The following IGSF21 variants were observed in gnomAD, a reference collection of about 807,000 sequenced individuals.
IGSF21 encodes the protein immunoglobulin superfamily member 21.
A neutral mutation model predicts 46.8 loss-of-function variants in IGSF21; 28 were observed. The ratio of observed to expected loss-of-function variants is 0.60; its 90% confidence interval spans 0.44 to 0.82. The LOEUF (loss-of-function observed/expected upper bound fraction) is 0.82. Among genes scored for constraint, IGSF21 ranks in the 40% least tolerant of loss-of-function variants. The pLI, the probability that IGSF21 is intolerant of heterozygous loss-of-function variation, is 0.00. For missense variants in IGSF21, 624 were observed against 665.5 expected (o/e 0.94, Z 0.69); for synonymous variants, 284 against 273.6 (o/e 1.04, Z -0.38).
At chr1:18,247,217 A>T (rs966031129) in intron 2 of IGSF21, among the ~76,000 whole-genome samples, 1 of 151,906 alleles carries the variant, frequency 6.6e-6, no homozygotes, top group Non-Finnish European at 1.5e-5. Flanking sequence ...TGAACCTTCC[A>T]CTTCACAGGG....
rs948742649 is a variant in IGSF21 at position 18,322,407 on chromosome 1, C to A, written c.306-12485C>A. Among the ~76,000 whole-genome samples, 2 of 152,032 alleles carry A rather than the reference C, an allele frequency of 1.3e-5. No homozygotes were observed. Among genetic ancestry groups the A allele is most frequent in the African/African-American group, 4.8e-5 (2 of 41,398 alleles). On this transcript the variant is annotated intron_variant, in intron 3 of 9. Transcript: ENST00000251296. This position sits in a 1 kb window ranked among gnomAD's most constrained non-coding sequence, Gnocchi z 4.3. ...AGGCTTGGTTCCAACAGGCTTGGGG[C>A]CTTCCTGATGCCAGCTCTCACCCAC...
At chr1:18,228,081 C>T (rs1569577104) in intron 2 of IGSF21, 71 bp downstream of exon 2, 3 of 1,190,332 alleles carry the variant, frequency 2.5e-6, no homozygotes, top group African/African-American at 3.0e-5. Flanking sequence ...GCCCTCTGGA[C>T]ACCCTCACTG....
intron 6 of IGSF21, among the ~76,000 whole-genome samples, chr1:18,369,168 A>T (rs1026854073): frequency 6.6e-6 from 1 of 152,198 alleles, no homozygotes; most frequent in Non-Finnish European, 1.5e-5. Context: ...TGGGTGGGTG[A>T]GTAAAGAGAC....
At position 18,259,577 on chromosome 1, in the gene IGSF21, G is replaced by C. The variant is rs185386865; in HGVS notation, c.183+31567G>C. ...CCTCCCCAGAACCTCTTGCATTCTA[G>C]TCTTCACTCTTTTCTCTTCATGGGG... On this transcript the variant is annotated intron_variant, in intron 2 of 9. Transcript: ENST00000251296. Among the ~76,000 whole-genome samples, 3 of 152,298 alleles carry C rather than the reference G, an allele frequency of 2.0e-5. No homozygotes were observed. The East Asian group carries it at 5.8e-4, about 29-fold the overall frequency.
intron 1 of IGSF21, among the ~76,000 whole-genome samples, chr1:18,141,439 G>A (rs1376144045): frequency 2.0e-5 from 3 of 152,168 alleles, no homozygotes; most frequent in African/African-American, 7.2e-5. Context: ...GAGCAGGGTT[G>A]GCTGTCATCA....
intron 1 of IGSF21, among the ~76,000 whole-genome samples, chr1:18,156,040 CT>C (rs1273685036): frequency 6.6e-6 from 1 of 152,222 alleles, no homozygotes; most frequent in East Asian, 1.9e-4. Context: ...AGTTACCCAG[CT>C]GGTAGCTAAT....
chr1:18,248,119 C>T (rs545706783), intron 2 of IGSF21, among the ~76,000 whole-genome samples: 7 of 152,278 alleles, frequency 4.6e-5, no homozygotes, highest in East Asian at 3.9e-4. Context: ...GAAATGTGCA[C>T]GTAACACCAC....
At chr1:18,198,186 G>C (rs1426285610) in intron 1 of IGSF21, among the ~76,000 whole-genome samples, 4 of 152,188 alleles carry the variant, frequency 2.6e-5, no homozygotes, top group Non-Finnish European at 5.9e-5. Flanking sequence ...AGTGAACACG[G>C]GGTTGACTGG....
chr1:18,350,808 A>G (rs1341823116), intron 4 of IGSF21, among the ~76,000 whole-genome samples: 3 of 152,210 alleles, frequency 2.0e-5, no homozygotes, highest in African/African-American at 7.2e-5. Context: ...AAACGCTGAT[A>G]GGACAGGAAA....
chr1:18,108,503 T>A (rs2086112609), intron 1 of IGSF21, among the ~76,000 whole-genome samples: 1 of 151,674 alleles, frequency 6.6e-6, no homozygotes, highest in Non-Finnish European at 1.5e-5. Flanking sequence ...GATGCAAGTG[T>A]GTGTGTGCGT....
intron 1 of IGSF21, among the ~76,000 whole-genome samples, chr1:18,177,580 CTTAT>C (rs1210815323): frequency 1.3e-5 from 2 of 151,942 alleles, no homozygotes; most frequent in South Asian, 2.1e-4. Flanking sequence ...CTCTTCATCT[CTTAT>C]TTCTTATTCA....
At chr1:18,250,611 C>T (rs2084832212) in intron 2 of IGSF21, among the ~76,000 whole-genome samples, 2 of 152,120 alleles carry the variant, frequency 1.3e-5, no homozygotes, top group South Asian at 4.1e-4. Flanking sequence ...GAAAGAGGAT[C>T]GCCAGGTAGT....
chr1:18,359,350 GA>G (rs2086060868), intron 4 of IGSF21, among the ~76,000 whole-genome samples: 1 of 52,234 alleles, frequency 1.9e-5, no homozygotes, highest in African/African-American at 7.0e-5. Context: ...AAGAAAGAAA[GA>G]AAGAAAGAAA....
Position 18,334,844 on chromosome 1 carries a change from C to A in IGSF21, c.306-48C>A. On this transcript the variant is annotated intron_variant, in intron 3 of 9. Coordinates refer to ENST00000251296, the MANE Select transcript of IGSF21 (RefSeq NM_032880.5). This position sits in a 1 kb window ranked among gnomAD's most constrained non-coding sequence, Gnocchi z 4.3. Reference sequence around the variant, plus strand: ...ATGAGTTTCCTTGAACGCTGCCTCACCCAGCCCCACGATGAAGGGCCCTCA... The same window carrying A: ...ATGAGTTTCCTTGAACGCTGCCTCAACCAGCCCCACGATGAAGGGCCCTCA... 7.0e-7 allele frequency: 1 copy of A among 1,422,972 alleles called. No homozygotes were observed. Among genetic ancestry groups the A allele is most frequent in the Non-Finnish European group, 9.9e-7 (1 of 1,007,676 alleles). The allele number at this position is 1,422,972 out of a possible 1,614,324, so 88.1% of individuals were successfully genotyped here.
chr1:18,152,444 A>G (rs2086529103), intron 1 of IGSF21, among the ~76,000 whole-genome samples: 1 of 152,146 alleles, frequency 6.6e-6, no homozygotes, highest in Non-Finnish European at 1.5e-5. Context: ...TCTTTAGAAA[A>G]CACAGACCAT....
chr1:18,270,655 C>T (rs1013037660), intron 2 of IGSF21, among the ~76,000 whole-genome samples: 3 of 152,180 alleles, frequency 2.0e-5, no homozygotes, highest in Admixed American at 6.5e-5. Context: ...GCCATGGAGG[C>T]GGCCATGTTG....
intron 3 of IGSF21, among the ~76,000 whole-genome samples, chr1:18,332,035 A>G (rs2085718309): frequency 1.3e-5 from 2 of 152,186 alleles, no homozygotes; most frequent in South Asian, 4.1e-4. Flanking sequence ...TGCCTTTTTC[A>G]TAAAGCAGCA....
At chr1:18,126,779 G>C (rs1281619995) in intron 1 of IGSF21, among the ~76,000 whole-genome samples, 2 of 152,154 alleles carry the variant, frequency 1.3e-5, no homozygotes, top group Admixed American at 6.5e-5. Flanking sequence ...TGGCACAGCT[G>C]CTGGGCCCAG....
At chr1:18,299,766 A>C (rs2085343791) in intron 3 of IGSF21, among the ~76,000 whole-genome samples, 1 of 152,170 alleles carries the variant, frequency 6.6e-6, no homozygotes, top group Admixed American at 6.5e-5. Flanking sequence ...TGTTTATTTT[A>C]TTGTTTTTAA....
Sources: allele counts gnomAD v4.1 joint callset (sites outside exome capture counted in the v4.1 genomes callset), GRCh38; gene constraint gnomAD v4.1.1; non-coding constraint Gnocchi (gnomAD v3.1); transcripts MANE v1.5; gene names NCBI Gene and HGNC (gene_info 2026-07-23, HGNC 2026-07-21).